ANKRD30A: variants seen among roughly 807,000 people sequenced by gnomAD.
ANKRD30A encodes the protein ankyrin repeat domain-containing protein 30A.
In ANKRD30A, 170 loss-of-function variants were observed where a neutral mutation model predicts 166.3. That is an observed-to-expected ratio of 1.02 (90% CI 0.90 to 1.16). ANKRD30A has a LOEUF of 1.16. Among genes scored for constraint, ANKRD30A ranks in the 50% most tolerant of loss-of-function variants. The pLI is 0.00. For synonymous variants in ANKRD30A, 564 were observed against 508.9 expected, an observed-to-expected ratio of 1.11 and a Z score of -1.46; for missense variants, 1,630 against 1,518.0, an observed-to-expected ratio of 1.07 and a Z score of -1.23.
At chr10:37,235,701 G>A (rs1201225809), downstream of ANKRD30A, among the ~76,000 whole-genome samples, 1 of 150,466 alleles carries the variant, frequency 6.6e-6, no homozygotes, top group Non-Finnish European at 1.5e-5. Flanking sequence ...TTGTGTTGTT[G>A]AAATAGTGAA....
chr10:37,154,776 A>G (rs17590505), intron 13 of ANKRD30A, among the ~76,000 whole-genome samples: 142 of 152,124 alleles, frequency 9.3e-4, no homozygotes, highest in African/African-American at 2.8e-3. Context: ...AGCTCACTTC[A>G]GAAGCATTTA....
intron 24 of ANKRD30A, among the ~76,000 whole-genome samples, chr10:37,178,031 T>G (rs1179430337): frequency 2.0e-5 from 3 of 150,880 alleles, no homozygotes; most frequent in South Asian, 2.1e-4. Context: ...AGTAATAGAG[T>G]AAATGAAGAC....
At chr10:37,239,010 G>A in the ANKRD30A span, among the ~76,000 whole-genome samples, 1 of 151,980 alleles carries the variant, frequency 6.6e-6, no homozygotes. Context: ...TATTATCATT[G>A]GTAATAAAAT....
intron 5 of ANKRD30A, 42 bp from the exon 6 acceptor site, chr10:37,136,565 G>C: frequency 1.1e-6 from 1 of 912,504 alleles, no homozygotes; most frequent in Non-Finnish European, 1.7e-6. Context: ...TATAAAGTCA[G>C]TGTTAAAATG....
intron 1 of ANKRD30A, 114 bp downstream of exon 1, chr10:37,126,122 T>A: frequency 8.7e-7 from 1 of 1,154,624 alleles, no homozygotes. Flanking sequence ...GGTGGAGGAG[T>A]AACGGGCAGC....
chr10:37,190,171 C>T (rs1640511247), intron 25 of ANKRD30A, among the ~76,000 whole-genome samples: 1 of 151,762 alleles, frequency 6.6e-6, no homozygotes, highest in Admixed American at 6.6e-5. Context: ...CTGTATAGAC[C>T]AGAGGTTTTC....
At chr10:37,214,661 T>C (rs1842512089) in intron 31 of ANKRD30A, among the ~76,000 whole-genome samples, 1 of 151,194 alleles carries the variant, frequency 6.6e-6, no homozygotes, top group African/African-American at 2.4e-5. Context: ...TATAACTCTT[T>C]GCTTTGCTGT....
At chr10:37,194,488 G>A (rs1403878559) in intron 27 of ANKRD30A, among the ~76,000 whole-genome samples, 3 of 151,794 alleles carry the variant, frequency 2.0e-5, no homozygotes, top group South Asian at 2.1e-4. Flanking sequence ...CTCCAGGCGC[G>A]TGCCACCACG....
intron 34 of ANKRD30A, 62 bp from the exon 35 acceptor site, chr10:37,231,399 C>T (rs1370499950): frequency 1.4e-6 from 2 of 1,395,164 alleles, no homozygotes; most frequent in Non-Finnish European, 2.0e-6. Flanking sequence ...AAATACAAGT[C>T]CTTTTCTAAT....
intron 31 of ANKRD30A, among the ~76,000 whole-genome samples, chr10:37,211,656 G>C (rs1379442976): frequency 6.6e-6 from 1 of 152,040 alleles, no homozygotes; most frequent in Non-Finnish European, 1.5e-5. Context: ...ACCAGTAATG[G>C]GATGGCTGGG....
intron 31 of ANKRD30A, among the ~76,000 whole-genome samples, chr10:37,207,617 T>A (rs1003628188): frequency 6.6e-6 from 1 of 151,920 alleles, no homozygotes; most frequent in Non-Finnish European, 1.5e-5. Context: ...TTAGGTCACT[T>A]ATGGCTATTA....
the ANKRD30A span, among the ~76,000 whole-genome samples, chr10:37,247,696 G>A: frequency 4.2e-5 from 6 of 144,164 alleles, no homozygotes; most frequent in South Asian, 2.3e-4. Context: ...GTGGTGAAAC[G>A]CCGTCTCTAC....
chr10:37,183,213 A>T (rs1162645993), intron 24 of ANKRD30A, among the ~76,000 whole-genome samples: 1 of 148,946 alleles, frequency 6.7e-6, no homozygotes, highest in Non-Finnish European at 1.5e-5. Context: ...TCCAATACGC[A>T]TTACAACTGT....
In ANKRD30A at chr10:37,219,819, A is replaced by G; in HGVS notation, c.4107A>G (p.Lys1369=). 13 of 1,599,416 alleles carry G rather than the reference A, an allele frequency of 8.1e-6. No homozygotes were observed. Among genetic ancestry groups the G allele is most frequent in the Non-Finnish European group, 1.1e-5 (13 of 1,171,678 alleles). ...RKMQHHLLKE[K]NEEIFNYNNH... is the part of the protein sequence containing the mutation. ...TGCAACATCATCTCCTAAAAGAGAA[A>G]AATGAGGAGATATTTAATTACAATA... The change falls in exon 34 of 36, where the codon AAA becomes AAG. Residue 1369 remains lysine (K), a synonymous_variant. Coordinates refer to ENST00000361713, the MANE Select transcript of ANKRD30A (RefSeq NM_052997.3).
At chr10:37,156,908 C>T (rs1838425662) in intron 13 of ANKRD30A, among the ~76,000 whole-genome samples, 1 of 152,214 alleles carries the variant, frequency 6.6e-6, no homozygotes. Context: ...TATGGTCATG[C>T]ATATTTAGCC....
intron 31 of ANKRD30A, among the ~76,000 whole-genome samples, chr10:37,205,064 A>G (rs1043689456): frequency 7.2e-5 from 11 of 152,314 alleles, no homozygotes; most frequent in African/African-American, 2.4e-4. Context: ...ATCTAGAACT[A>G]GAAATACCAT....
At chr10:37,228,264 A>G (rs78653917) in intron 34 of ANKRD30A, among the ~76,000 whole-genome samples, 3,334 of 152,104 alleles carry the variant, frequency 0.022, 116 homozygotes, top group African/African-American at 0.075. Flanking sequence ...GTATGATATG[A>G]AGAAGCATTG....
intron 33 of ANKRD30A, among the ~76,000 whole-genome samples, chr10:37,218,100 C>T (rs1467701640): frequency 6.6e-6 from 1 of 150,802 alleles, no homozygotes; most frequent in Non-Finnish European, 1.5e-5. Context: ...CAATGATAAT[C>T]CCTACCATAT....
At chr10:37,240,265 C>T in the ANKRD30A span, among the ~76,000 whole-genome samples, 1 of 152,082 alleles carries the variant, frequency 6.6e-6, no homozygotes, top group African/African-American at 2.4e-5. Flanking sequence ...GGCTCTAACT[C>T]TCTGCCATCC....
Sources: gnomAD v4.1 joint callset for allele counts (sites outside exome capture counted in the v4.1 genomes callset) on GRCh38, gnomAD v4.1.1 for gene constraint, MANE v1.5 for transcripts, NCBI Gene and HGNC (gene_info 2026-07-23, HGNC 2026-07-21) for gene names.